Variants in LTBP1 observed in about 807,000 individuals in gnomAD.
LTBP1 encodes latent-transforming growth factor beta-binding protein 1.
LTBP1 carries 129 observed loss-of-function variants against 207.6 expected under a neutral mutation model. The observed-to-expected ratio is 0.62, with a 90% confidence interval of 0.54 to 0.72. LTBP1 has a LOEUF of 0.72. LTBP1 is among the 30% of genes least tolerant of loss of function. LTBP1 has a pLI of 0.00. For synonymous variants in LTBP1, 963 were observed against 833.7 expected, an observed-to-expected ratio of 1.16 and a Z score of -2.67; for missense variants, 2,281 against 2,217.2, an observed-to-expected ratio of 1.03 and a Z score of -0.58.
chr2:33,390,991 AT>A (rs147516125), intron 32 of LTBP1, among the ~76,000 whole-genome samples: 22 of 143,918 alleles, frequency 1.5e-4, no homozygotes, highest in East Asian at 1.0e-3. Flanking sequence ...AAGAGCTTTT[AT>A]TTTTTTTTTC....
intron 31 of LTBP1, among the ~76,000 whole-genome samples, chr2:33,374,115 A>C (rs1374587474): frequency 1.3e-5 from 2 of 152,188 alleles, no homozygotes; most frequent in Non-Finnish European, 2.9e-5. Flanking sequence ...TCATGGACTA[A>C]ACTTGAAAAA....
intron 4 of LTBP1, among the ~76,000 whole-genome samples, chr2:33,111,454 C>T (rs2080396722): frequency 6.6e-6 from 1 of 152,164 alleles, no homozygotes; most frequent in African/African-American, 2.4e-5. Flanking sequence ...AGCTTCCTGC[C>T]CTGTCACATG....
At chr2:33,331,713 GTGT>G (rs1353413528) in intron 24 of LTBP1, among the ~76,000 whole-genome samples, 3 of 152,068 alleles carry the variant, frequency 2.0e-5, no homozygotes, top group Non-Finnish European at 2.9e-5. Flanking sequence ...TTTGTAAGTT[GTGT>G]TGTTAAAATC....
At chr2:33,353,620 A>T (rs2094813041) in intron 26 of LTBP1, among the ~76,000 whole-genome samples, 1 of 152,170 alleles carries the variant, frequency 6.6e-6, no homozygotes, top group South Asian at 2.1e-4. Context: ...TCATTTTTTT[A>T]AAGATTTAAT....
chr2:33,149,235 A>AC (rs568341365), intron 5 of LTBP1, among the ~76,000 whole-genome samples: 14,059 of 139,002 alleles, frequency 0.1, 782 homozygotes, highest in Middle Eastern at 0.15. Context: ...AAACAAAAAA[A>AC]AAAAAAAAAA....
At chr2:33,012,873 T>C (rs1251960344) in intron 2 of LTBP1, among the ~76,000 whole-genome samples, 12 of 152,194 alleles carry the variant, frequency 7.9e-5, no homozygotes, top group Admixed American at 4.6e-4. Flanking sequence ...CTAGCATGAA[T>C]GCACAAAGTA....
At chr2:33,237,206 C>T (rs1022887165) in intron 9 of LTBP1, among the ~76,000 whole-genome samples, 5 of 152,282 alleles carry the variant, frequency 3.3e-5, no homozygotes, top group African/African-American at 1.2e-4. Flanking sequence ...AAAAGGGTCC[C>T]ACAGCCAAAT....
At chr2:33,301,696 A>G (rs1040380978) in intron 22 of LTBP1, 52 bp downstream of exon 22, 23 of 1,475,750 alleles carry the variant, frequency 1.6e-5, no homozygotes, top group Non-Finnish European at 1.7e-5. Context: ...TCGGAGGGAA[A>G]TCTGGGCATC....
At chr2:33,180,213 G>C (rs894581304) in intron 5 of LTBP1, among the ~76,000 whole-genome samples, 1 of 152,128 alleles carries the variant, frequency 6.6e-6, no homozygotes, top group African/African-American at 2.4e-5. Flanking sequence ...AGATAATCAA[G>C]AATTGAAGAT....
intron 20 of LTBP1, among the ~76,000 whole-genome samples, chr2:33,293,509 G>A (rs1214157254): frequency 6.6e-6 from 1 of 152,116 alleles, no homozygotes; most frequent in African/African-American, 2.4e-5. Context: ...GTGTCTGTGA[G>A]CCACAGATCG....
chr2:33,034,122 A>G (rs2075811258), intron 3 of LTBP1, among the ~76,000 whole-genome samples: 1 of 151,602 alleles, frequency 6.6e-6, no homozygotes, highest in Non-Finnish European at 1.5e-5. Flanking sequence ...TCAAAGTTTC[A>G]CTTTCTCCTT....
intron 3 of LTBP1, among the ~76,000 whole-genome samples, chr2:33,052,147 A>G (rs139248404): frequency 3.9e-5 from 6 of 152,328 alleles, no homozygotes; most frequent in East Asian, 1.9e-4. Context: ...TTTAGCCAGG[A>G]CTAGGGCAGC....
chr2:33,068,616 T>A (rs1268679388), intron 3 of LTBP1, among the ~76,000 whole-genome samples: 2 of 152,180 alleles, frequency 1.3e-5, no homozygotes, highest in African/African-American at 4.8e-5. Flanking sequence ...TCTCCCCTAA[T>A]CCTTGGCAAC....
intron 5 of LTBP1, among the ~76,000 whole-genome samples, chr2:33,186,366 C>A (rs1466361722): frequency 2.0e-5 from 3 of 152,028 alleles, no homozygotes; most frequent in African/African-American, 7.3e-5. Flanking sequence ...ATGAGGTGAG[C>A]AAATACTTAT....
At chr2:33,212,760 A>G (rs867287836) in intron 7 of LTBP1, among the ~76,000 whole-genome samples, 64 of 152,342 alleles carry the variant, frequency 4.2e-4, no homozygotes, top group African/African-American at 1.5e-3. Flanking sequence ...CTGAAATCCA[A>G]AATGCTCCAG....
chr2:33,352,282 C>T lies in LTBP1; in HGVS notation c.4000+4772C>T, dbSNP rs182206853. Among the ~76,000 whole-genome samples the T allele has an allele frequency of 1.5e-3, 234 of 152,194 alleles. 1 individual carries two copies. Among genetic ancestry groups the T allele is most frequent in the African/African-American group, 5.4e-3 (224 of 41,510 alleles). On this transcript the variant is annotated intron_variant, in intron 26 of 33. Coordinates refer to ENST00000404816, the MANE Select transcript of LTBP1 (RefSeq NM_206943.4). ...GGGTAGCTGGGATTATAGGAGCATA[C>T]CACCACGCCCGGCTAATTTTTGTAT... is the stretch of plus-strand genomic sequence containing the variant.
chr2:33,276,034 C>G, intron 18 of LTBP1, 111 bp downstream of exon 18: 1 of 1,328,294 alleles, frequency 7.5e-7, no homozygotes, highest in Non-Finnish European at 1.0e-6. Flanking sequence ...CCAGTTTATC[C>G]AAGCTCTTTC....
intron 32 of LTBP1, among the ~76,000 whole-genome samples, chr2:33,395,799 A>G (rs1005952499): frequency 6.6e-6 from 1 of 151,908 alleles, no homozygotes; most frequent in Admixed American, 6.6e-5. Context: ...AATTCCTCCA[A>G]GTTAGACCTT....
At chr2:33,391,587 T>G (rs551160352) in intron 32 of LTBP1, among the ~76,000 whole-genome samples, 1 of 152,148 alleles carries the variant, frequency 6.6e-6, no homozygotes, top group Non-Finnish European at 1.5e-5. Flanking sequence ...AATAACTCTG[T>G]TCTTAGATGT....
Sources: gnomAD v4.1 joint callset for allele counts (sites outside exome capture counted in the v4.1 genomes callset) on GRCh38, gnomAD v4.1.1 for gene constraint, MANE v1.5 for transcripts, NCBI Gene and HGNC (gene_info 2026-07-23, HGNC 2026-07-21) for gene names.